CDH8: variants seen among roughly 807,000 people sequenced by gnomAD.
CDH8 encodes cadherin-8.
A neutral mutation model predicts 68.1 loss-of-function variants in CDH8; 17 were observed. That is an observed-to-expected ratio of 0.25 (90% CI 0.17 to 0.37). The LOEUF is 0.37. Among genes scored for constraint, CDH8 ranks in the 10% least tolerant of loss-of-function variants. CDH8 has a pLI of 1.00. For missense variants in CDH8, 763 were observed against 999.3 expected (o/e 0.76, Z 3.19); for synonymous variants, 372 against 365.1 (o/e 1.02, Z -0.21).
rs939420692 is a variant in CDH8, at chr16:61,973,671, G to A, written c.252+47481C>T. On this transcript the variant is annotated intron_variant, in intron 2 of 11. Transcript: ENST00000577390. Reference sequence around the variant, plus strand: ...CACAAGATGCAAAGAAACCTGGACCGAAAAGGAAAACAAAGTCATGAAAAT... The same window carrying A: ...CACAAGATGCAAAGAAACCTGGACCAAAAAGGAAAACAAAGTCATGAAAAT... 3.9e-5 allele frequency among the ~76,000 whole-genome samples: 6 copies of A among 152,096 alleles called. No individual in the cohort carries two copies. In the East Asian group the frequency reaches 5.8e-4, roughly 15 times the overall value.
intron 9 of CDH8, among the ~76,000 whole-genome samples, chr16:61,719,252 C>A (rs1959200192): frequency 6.6e-6 from 1 of 150,798 alleles, no homozygotes; most frequent in South Asian, 2.1e-4. Flanking sequence ...AGGTTCTAAT[C>A]TTATTGACAC....
At position 61,822,205 on chromosome 16, in the gene CDH8, C is replaced by CTTTTTT. The variant is rs71707137; in HGVS notation, c.836-1098_836-1093dup. ...TGTAGTAACTGGCTCAAAAACGCAC[C>CTTTTTT]TTTTTTTTTTTTTTTTTTTTTTTTT... is the stretch of plus-strand genomic sequence containing the variant. On this transcript the variant is annotated intron_variant, in intron 5 of 11. Transcript: ENST00000577390. 1.4e-3 allele frequency among the ~76,000 whole-genome samples: 66 copies of CTTTTTT among 45,612 alleles called. 10 individuals are homozygous for CTTTTTT. The highest frequency in any genetic ancestry group is 5.7e-3 in the East Asian group (7 of 1,234). 29.9% of individuals were successfully genotyped at this position (45,612 alleles called of 152,430 possible).
intron 3 of CDH8, among the ~76,000 whole-genome samples, chr16:61,875,100 A>G (rs1215163653): frequency 6.6e-6 from 1 of 152,200 alleles, no homozygotes; most frequent in East Asian, 1.9e-4. Flanking sequence ...ACAATTATAG[A>G]TTTGGAACAA....
At chr16:61,941,179 A>T (rs1597079442) in intron 2 of CDH8, among the ~76,000 whole-genome samples, 1 of 152,318 alleles carries the variant, frequency 6.6e-6, no homozygotes, top group Non-Finnish European at 1.5e-5. Flanking sequence ...TTCTCATTTT[A>T]TTCATGTGCA....
At chr16:61,841,790 C>A (rs903145649) in intron 4 of CDH8, among the ~76,000 whole-genome samples, 1 of 152,184 alleles carries the variant, frequency 6.6e-6, no homozygotes, top group African/African-American at 2.4e-5. Context: ...TAAATATACA[C>A]ACCTACTATG....
chr16:61,678,362 G>A (rs1399451742), intron 10 of CDH8, among the ~76,000 whole-genome samples: 3 of 151,964 alleles, frequency 2.0e-5, no homozygotes, highest in Non-Finnish European at 4.4e-5. Context: ...ATTTTACAGA[G>A]TTTGACTCTT....
intron 8 of CDH8, among the ~76,000 whole-genome samples, chr16:61,730,344 T>C (rs967990148): frequency 6.6e-6 from 1 of 151,462 alleles, no homozygotes; most frequent in African/African-American, 2.4e-5. Context: ...AGGAACAATG[T>C]GGGATTAGGG....
chr16:61,844,791 T>C (rs948308273), intron 4 of CDH8, among the ~76,000 whole-genome samples: 1 of 152,180 alleles, frequency 6.6e-6, no homozygotes, highest in Non-Finnish European at 1.5e-5. Context: ...GAAAGTTACG[T>C]ATAGTGAGAA....
chr16:61,662,933 T>C (rs1963597682), intron 10 of CDH8, among the ~76,000 whole-genome samples: 1 of 151,956 alleles, frequency 6.6e-6, no homozygotes, highest in Non-Finnish European at 1.5e-5. Flanking sequence ...TTGTAATGCT[T>C]TACAGATAAA....
rs752485388 is a variant in CDH8, at chr16:61,789,361, T to C, written c.1399A>G (p.Ile467Val). The C allele has an allele frequency of 3.7e-6, 6 of 1,610,852 alleles. No individual in the cohort carries two copies. The South Asian group carries it at 6.6e-5, about 18-fold the overall frequency. ...ELSVWHNITI[I>V]ATEIRNHSQI... ...AGGCACTTACTAATTTCAGTAGCAA[T>C]GATTGTTATGTTGTGCCATACACTT... Residue 467 changes from isoleucine to valine, a missense_variant, in exon 8 of 12, where the codon ATT becomes GTT. Ile to Val is a conservative substitution (Grantham distance 29). Coordinates refer to ENST00000577390, the MANE Select transcript of CDH8 (RefSeq NM_001796.5).
At chr16:61,654,685 C>T (rs1963402194) in intron 11 of CDH8, among the ~76,000 whole-genome samples, 1 of 152,144 alleles carries the variant, frequency 6.6e-6, no homozygotes, top group African/African-American at 2.4e-5. Context: ...AAAACATACC[C>T]AACTAGTCAG....
chr16:61,879,773 C>G (rs1963534329), intron 3 of CDH8, among the ~76,000 whole-genome samples: 1 of 152,042 alleles, frequency 6.6e-6, no homozygotes, highest in African/African-American at 2.4e-5. Flanking sequence ...GTGATAGGCC[C>G]CGAAAAACAA....
At chr16:61,710,408 T>G (rs188676703) in intron 10 of CDH8, among the ~76,000 whole-genome samples, 1 of 152,098 alleles carries the variant, frequency 6.6e-6, no homozygotes, top group African/African-American at 2.4e-5. Flanking sequence ...GCATGTTTAT[T>G]CCAAAGTAAT....
intron 10 of CDH8, among the ~76,000 whole-genome samples, chr16:61,703,848 T>A (rs1183326669): frequency 1.3e-5 from 2 of 152,076 alleles, no homozygotes; most frequent in Non-Finnish European, 2.9e-5. Flanking sequence ...AAAAAAAGTT[T>A]TCATGCGTAT....
At chr16:61,824,923 A>G in intron 5 of CDH8, 89 bp downstream of exon 5, 1 of 1,124,234 alleles carries the variant, frequency 8.9e-7, no homozygotes, top group East Asian at 2.6e-5. Flanking sequence ...AGTTGCTGTC[A>G]GGTTTTTAAT....
chr16:61,796,645 C>G (rs1430744910), intron 7 of CDH8, among the ~76,000 whole-genome samples: 6 of 152,068 alleles, frequency 3.9e-5, no homozygotes, highest in Non-Finnish European at 8.8e-5. Flanking sequence ...CAACAAGTAT[C>G]CTGATTGGCT....
chr16:61,884,004 A>C, intron 3 of CDH8, among the ~76,000 whole-genome samples: 1 of 152,110 alleles, frequency 6.6e-6, no homozygotes, highest in African/African-American at 2.4e-5. Context: ...TTTCTGTTAG[A>C]AAAAAAAGGA....
At position 61,652,508 on chromosome 16, in the gene CDH8, C is replaced by A; in HGVS notation, c.*1100G>T. 4.0e-6 allele frequency: 4 copies of A among 1,006,496 alleles called. No homozygotes were observed. Among genetic ancestry groups the A allele is most frequent in the Non-Finnish European group, 4.7e-6 (4 of 844,018 alleles). The allele number at this position is 1,006,496 out of a possible 1,614,324, so 62.3% of individuals were successfully genotyped here. ...GTCCAAAAGTTTGTCTGGGAAGATGCTGTTCCTGCCATCTCCAGTTACAAT... is the reference window on the plus strand; with the variant it reads ...GTCCAAAAGTTTGTCTGGGAAGATGATGTTCCTGCCATCTCCAGTTACAAT... On this transcript the variant is annotated 3_prime_UTR_variant, in exon 12 of 12. Coordinates refer to ENST00000577390, the MANE Select transcript of CDH8 (RefSeq NM_001796.5).
chr16:61,983,610 C>T (rs1380303517), intron 2 of CDH8, among the ~76,000 whole-genome samples: 4 of 152,150 alleles, frequency 2.6e-5, no homozygotes, highest in Non-Finnish European at 5.9e-5. Context: ...TAACATTGTT[C>T]AATTTTTAAT....
Sources: allele counts gnomAD v4.1 joint callset (sites outside exome capture counted in the v4.1 genomes callset), GRCh38; gene constraint gnomAD v4.1.1; transcripts MANE v1.5; gene names NCBI Gene and HGNC (gene_info 2026-07-23, HGNC 2026-07-21).